MTFR1: variants seen among roughly 807,000 people sequenced by gnomAD.
MTFR1 encodes the protein mitochondrial fission regulator 1.
Under a neutral mutation model 38.8 loss-of-function variants are expected in MTFR1, and 28 were observed. That is an observed-to-expected ratio of 0.72 (90% confidence interval 0.53 to 0.99). The LOEUF (loss-of-function observed/expected upper bound fraction) is 0.99. MTFR1 is among the 50% of genes least tolerant of loss of function. The pLI, the probability that MTFR1 is intolerant of heterozygous loss-of-function variation, is 0.00. For missense variants in MTFR1, 358 were observed against 395.5 expected (o/e 0.91, Z 0.81); for synonymous variants, 145 against 137.0 (o/e 1.06, Z -0.41).
chr8:65,693,764 G>GTT lies in MTFR1; in HGVS notation c.281+7_281+8dup. 1 of 1,606,960 alleles carries GTT rather than the reference G, an allele frequency of 6.2e-7. No homozygotes were observed. The highest frequency in any genetic ancestry group is 8.5e-7 in the Non-Finnish European group (1 of 1,173,682). On this transcript the variant is annotated splice_donor_region_variant and intron_variant, in intron 4 of 7. Coordinates refer to ENST00000262146, the MANE Select transcript of MTFR1 (RefSeq NM_014637.4). ...AGAGTGTTCAGCAAGACTAAGGTTA[G>GTT]TTTGGAAGGCTATCAGAACTGAGAT...
intron 3 of MTFR1, among the ~76,000 whole-genome samples, chr8:65,734,277 C>G (rs1447699560): frequency 6.6e-6 from 1 of 152,152 alleles, no homozygotes; most frequent in Non-Finnish European, 1.5e-5. Flanking sequence ...ACCACCACAT[C>G]CTGTTCATTC....
intron 3 of MTFR1, among the ~76,000 whole-genome samples, chr8:65,735,821 C>T (rs1039571414): frequency 6.6e-6 from 1 of 151,890 alleles, no homozygotes; most frequent in Admixed American, 6.6e-5. Context: ...AATGGGGTTT[C>T]ACCATGTTGG....
Position 65,709,231 on chromosome 8 carries a change from C to T in MTFR1, c.*187C>T. 1 of 575,072 alleles carries T rather than the reference C, an allele frequency of 1.7e-6. No homozygotes were observed. The highest frequency in any genetic ancestry group is 2.2e-5 in the South Asian group (1 of 46,374). 35.6% of individuals were successfully genotyped at this position (575,072 alleles called of 1,614,324 possible). A position where few individuals can be genotyped will look rare whatever the true frequency, so the allele number is the denominator to read the frequency against. The stretch of plus-strand genomic sequence containing the variant: ...GGTTTTGCTTTTGTGAGATGGTCAG[C>T]TTTGGTGCTCTCCACAACATGTGTG... On this transcript the variant is annotated 3_prime_UTR_variant, in exon 8 of 8. Coordinates refer to ENST00000262146, the MANE Select transcript of MTFR1 (RefSeq NM_014637.4).
intron 4 of MTFR1, among the ~76,000 whole-genome samples, chr8:65,699,665 G>A (rs770702437): frequency 1.4e-4 from 21 of 152,218 alleles, no homozygotes; most frequent in African/African-American, 3.9e-4. Context: ...TGGAGCAAAA[G>A]TTCACCATGT....
At chr8:65,691,014 T>G (rs943678365) in intron 3 of MTFR1, among the ~76,000 whole-genome samples, 2 of 152,200 alleles carry the variant, frequency 1.3e-5, no homozygotes, top group African/African-American at 4.8e-5. Context: ...TCTCAACTCT[T>G]GAGATCAAAT....
At chr8:65,663,131 C>G (rs1178516480) in intron 1 of MTFR1, among the ~76,000 whole-genome samples, 1 of 152,094 alleles carries the variant, frequency 6.6e-6, no homozygotes, top group African/African-American at 2.4e-5. Context: ...GGATGGTTGC[C>G]GTGTCTGTGT....
intron 2 of MTFR1, among the ~76,000 whole-genome samples, chr8:65,675,136 T>C (rs1461765972): frequency 2.6e-5 from 4 of 151,934 alleles, no homozygotes; most frequent in African/African-American, 9.7e-5. Context: ...ACTAAAAGTA[T>C]AAAAATTAAT....
intron 3 of MTFR1, among the ~76,000 whole-genome samples, chr8:65,688,098 T>TAAA (rs546722264): frequency 7.4e-5 from 9 of 120,854 alleles, no homozygotes; most frequent in Non-Finnish European, 1.0e-4. Flanking sequence ...AGACTCCGTC[T>TAAA]AAAAAAAAAA....
chr8:65,714,616 C>G (rs1276056721), downstream of MTFR1: 1 of 152,120 alleles, frequency 6.6e-6, no homozygotes. Flanking sequence ...TCTTTGAAAG[C>G]AATACTGAAT....
intron 2 of MTFR1, among the ~76,000 whole-genome samples, chr8:65,681,792 G>A (rs915512611): frequency 6.6e-6 from 1 of 150,676 alleles, no homozygotes; most frequent in African/African-American, 2.4e-5. Flanking sequence ...CTTTCCTTTG[G>A]GGAGCAGGCC....
chr8:65,689,629 C>G lies in MTFR1; in HGVS notation c.166-4015C>G, dbSNP rs1458425085. 21 of 1,260,186 alleles carry G rather than the reference C, an allele frequency of 1.7e-5. No individual in the cohort carries two copies. In the South Asian group the frequency reaches 2.8e-4, roughly 17 times the overall value. 78.1% of individuals were successfully genotyped at this position (1,260,186 alleles called of 1,614,324 possible). A position where few individuals can be genotyped will look rare whatever the true frequency, so the allele number is the denominator to read the frequency against. On this transcript the variant is annotated intron_variant, in intron 3 of 7. Transcript: ENST00000262146. ...GTTGTCCTTTTCTTTCTCAAACTTC[C>G]CATGCATGTCGTGGTGTCTAAATCG...
At chr8:65,660,953 C>T (rs1354833536) in intron 1 of MTFR1, among the ~76,000 whole-genome samples, 1 of 152,096 alleles carries the variant, frequency 6.6e-6, no homozygotes, top group African/African-American at 2.4e-5. Context: ...TATTACTAGG[C>T]AAAGAAGCCA....
rs559467386 is a variant in MTFR1, at chr8:65,693,633, A to G, written c.166-11A>G. On this transcript the variant is annotated splice_polypyrimidine_tract_variant and intron_variant, in intron 3 of 7. Coordinates refer to ENST00000262146, the MANE Select transcript of MTFR1 (RefSeq NM_014637.4). ...CTTTGGTGAAGAACTTTCCCTATTT[A>G]TAACTTACAGATTAACAGCCATGCA... 6.2e-7 allele frequency: 1 copy of G among 1,611,230 alleles called. No individual in the cohort carries two copies. Among genetic ancestry groups the G allele is most frequent in the South Asian group, 1.1e-5 (1 of 90,954 alleles).
rs551816352 is a variant in MTFR1 at position 65,737,490 on chromosome 8, A to G, written c.*48+18009A>G. ...TAGATAAAGCAGTTGCAGATTAGCAAAAATGGTTATATTAATTATTATTAT... is the reference window on the plus strand; with the variant it reads ...TAGATAAAGCAGTTGCAGATTAGCAGAAATGGTTATATTAATTATTATTAT... On this transcript the variant is annotated intron_variant, in intron 3 of 3. Transcript: ENST00000521247. Among the ~76,000 whole-genome samples, 527 of 152,252 alleles carry G rather than the reference A, an allele frequency of 3.5e-3. 3 individuals are homozygous for G. Among genetic ancestry groups the G allele is most frequent in the Middle Eastern group, 6.8e-3 (2 of 294 alleles).
intron 3 of MTFR1, among the ~76,000 whole-genome samples, chr8:65,738,065 T>C (rs1355927734): frequency 1.3e-5 from 2 of 152,172 alleles, no homozygotes; most frequent in East Asian, 1.9e-4. Context: ...TATTGCAATA[T>C]AGCAAGTCAA....
chr8:65,712,960 A>G (rs1188482484), downstream of MTFR1, among the ~76,000 whole-genome samples: 1 of 152,218 alleles, frequency 6.6e-6, no homozygotes, highest in Non-Finnish European at 1.5e-5. Context: ...ATGGCTCAAC[A>G]ATAAATACTT....
intron 3 of MTFR1, among the ~76,000 whole-genome samples, chr8:65,720,097 G>A (rs970996311): frequency 1.3e-5 from 2 of 152,194 alleles, no homozygotes; most frequent in Non-Finnish European, 2.9e-5. Context: ...AACAACAAAT[G>A]TGTACCAGAG....
intron 3 of MTFR1, among the ~76,000 whole-genome samples, chr8:65,738,367 T>C (rs577792585): frequency 6.6e-6 from 1 of 152,226 alleles, no homozygotes; most frequent in South Asian, 2.1e-4. Context: ...ATATGCTGCT[T>C]TGGACTTCAA....
intron 1 of MTFR1, among the ~76,000 whole-genome samples, chr8:65,658,855 G>A (rs1285093787): frequency 6.6e-6 from 1 of 152,116 alleles, no homozygotes. Flanking sequence ...TTGAGCAAGA[G>A]CTTCTAAAAG....
Sources: allele counts gnomAD v4.1 joint callset (sites outside exome capture counted in the v4.1 genomes callset), GRCh38; gene constraint gnomAD v4.1.1; transcripts MANE v1.5; gene names NCBI Gene and HGNC (gene_info 2026-07-23, HGNC 2026-07-21).